The following ADARB2 variants were observed in gnomAD, a reference collection of about 807,000 sequenced individuals.
The protein encoded by ADARB2 is adenosine deaminase RNA specific B2 (inactive).
A neutral mutation model predicts 62.2 loss-of-function variants in ADARB2; 25 were observed. The observed-to-expected ratio is 0.40, with a 90% CI of 0.29 to 0.56. The LOEUF (loss-of-function observed/expected upper bound fraction) is 0.56, where lower values mean the gene tolerates loss of function less well. Ranked by LOEUF, ADARB2 falls within the 20% of genes least tolerant of loss-of-function variation. The pLI is 0.43. For synonymous variants in ADARB2, 572 were observed against 500.8 expected, an observed-to-expected ratio of 1.14 and a Z score of -1.90; for missense variants, 1,071 against 1,077.4, an observed-to-expected ratio of 0.99 and a Z score of 0.08.
intron 3 of ADARB2, chr10:1,360,899 A>G (rs1420361886): frequency 1.3e-5 from 2 of 152,614 alleles, no homozygotes; most frequent in Non-Finnish European, 2.9e-5. Flanking sequence ...AGGGCTGACA[A>G]CATGAAAGAA....
intron 6 of ADARB2, among the ~76,000 whole-genome samples, chr10:1,226,566 G>A (rs957918107): frequency 6.6e-6 from 1 of 152,162 alleles, no homozygotes; most frequent in Non-Finnish European, 1.5e-5. Context: ...CTTTGATGAT[G>A]GTGATGTACA....
chr10:1,251,017 C>A (rs1831033258), intron 4 of ADARB2, among the ~76,000 whole-genome samples: 1 of 152,202 alleles, frequency 6.6e-6, no homozygotes, highest in Non-Finnish European at 1.5e-5. Flanking sequence ...TTAATGGTAT[C>A]TAACAACTGC....
intron 1 of ADARB2, among the ~76,000 whole-genome samples, chr10:1,554,127 T>C (rs1832668345): frequency 6.6e-6 from 1 of 152,132 alleles, no homozygotes; most frequent in Admixed American, 6.5e-5. Flanking sequence ...AGCGGCCCTA[T>C]TTCTCTTTCC....
At chr10:1,228,420 G>A (rs1014580900) in intron 6 of ADARB2, among the ~76,000 whole-genome samples, 1 of 152,226 alleles carries the variant, frequency 6.6e-6, no homozygotes, top group Non-Finnish European at 1.5e-5. Context: ...GGCTCTTTCA[G>A]AACTGCCTGA....
chr10:1,218,737 C>T (rs1830655074), intron 6 of ADARB2, among the ~76,000 whole-genome samples: 1 of 152,072 alleles, frequency 6.6e-6, no homozygotes, highest in Non-Finnish European at 1.5e-5. Flanking sequence ...CTCATGAGAC[C>T]TGGTCATTTA....
intron 1 of ADARB2, among the ~76,000 whole-genome samples, chr10:1,617,012 C>T (rs113215078): frequency 0.088 from 4,563 of 51,680 alleles, no homozygotes; most frequent in African/African-American, 0.12. Context: ...TTTGTGTGCC[C>T]GTCCAGACAC....
At chr10:1,294,990 G>C (rs892419828) in intron 3 of ADARB2, among the ~76,000 whole-genome samples, 1 of 152,362 alleles carries the variant, frequency 6.6e-6, no homozygotes, top group Admixed American at 6.5e-5. Flanking sequence ...GGAGTGCGGA[G>C]TCACTGGCAG....
At chr10:1,653,678 G>A (rs1834142806) in intron 1 of ADARB2, among the ~76,000 whole-genome samples, 1 of 152,148 alleles carries the variant, frequency 6.6e-6, no homozygotes, top group South Asian at 2.1e-4. Flanking sequence ...CAGGGTCTGG[G>A]TTTTGTGGCA....
At chr10:1,395,238 C>T (rs376426890) in intron 1 of ADARB2, among the ~76,000 whole-genome samples, 3 of 152,158 alleles carry the variant, frequency 2.0e-5, no homozygotes, top group African/African-American at 7.2e-5. Flanking sequence ...CTCAGAGCTC[C>T]GGCCCGACAG....
At chr10:1,366,198 A>C (rs542945148) in intron 2 of ADARB2, among the ~76,000 whole-genome samples, 33 of 152,282 alleles carry the variant, frequency 2.2e-4, no homozygotes, top group South Asian at 8.3e-4. Context: ...TCAGTGCTTT[A>C]TTTCTTTTGC....
intron 1 of ADARB2, among the ~76,000 whole-genome samples, chr10:1,510,133 TTTC>T (rs1831913763): frequency 7.3e-6 from 1 of 137,114 alleles, no homozygotes; most frequent in Non-Finnish European, 1.5e-5. Context: ...TCTTTCTTTC[TTTC>T]TTTCTTTCTT....
intron 1 of ADARB2, among the ~76,000 whole-genome samples, chr10:1,569,448 A>G (rs1377813165): frequency 3.3e-5 from 5 of 152,230 alleles, no homozygotes; most frequent in Non-Finnish European, 2.9e-5. Flanking sequence ...TTGGGGAGCA[A>G]TCCTCTCTCA....
chr10:1,411,945 C>T (rs1178751197), intron 1 of ADARB2, among the ~76,000 whole-genome samples: 4 of 152,314 alleles, frequency 2.6e-5, no homozygotes, highest in Non-Finnish European at 5.9e-5. Context: ...CTATTTAAAA[C>T]AGCCTTTACT....
At position 1,654,886 on chromosome 10, in the gene ADARB2, T is replaced by C. The variant is rs545610763; in HGVS notation, c.100+82165A>G. Among the ~76,000 whole-genome samples, 8 of 152,318 alleles carry C rather than the reference T, an allele frequency of 5.3e-5. No homozygotes were observed. The East Asian group carries it at 1.5e-3, about 29-fold the overall frequency. ...GCCCAAGGTGATGCATGCTGGGCCA[T>C]GCCAGGCACCTGTGATGAAATGCTC... On this transcript the variant is annotated intron_variant, in intron 1 of 9. Coordinates refer to ENST00000381312, the MANE Select transcript of ADARB2 (RefSeq NM_018702.4).
chr10:1,382,859 G>A (rs1211804810), intron 1 of ADARB2, among the ~76,000 whole-genome samples: 3 of 152,160 alleles, frequency 2.0e-5, no homozygotes, highest in Non-Finnish European at 4.4e-5. Context: ...AGAAACGTCA[G>A]GGGTCGGCTG....
intron 1 of ADARB2, among the ~76,000 whole-genome samples, chr10:1,506,823 A>T (rs1265782346): frequency 6.6e-6 from 1 of 152,228 alleles, no homozygotes; most frequent in Non-Finnish European, 1.5e-5. Context: ...TGATTGGGTC[A>T]TGGGGGTGGG....
At chr10:1,327,930 C>T (rs541319078) in intron 3 of ADARB2, among the ~76,000 whole-genome samples, 1 of 151,658 alleles carries the variant, frequency 6.6e-6, no homozygotes, top group Non-Finnish European at 1.5e-5. Flanking sequence ...CTCCTCACAG[C>T]ACAGCACCTC....
At chr10:1,525,946 G>A (rs565897973) in intron 1 of ADARB2, among the ~76,000 whole-genome samples, 16 of 151,972 alleles carry the variant, frequency 1.1e-4, no homozygotes, top group Non-Finnish European at 2.1e-4. Flanking sequence ...AGCACGTATG[G>A]GTGTGTGTGC....
chr10:1,737,359 C>T lies in ADARB2; in HGVS notation c.-209G>A, dbSNP rs3750682. ...CTTGCTCCCACTGGGCTGGGGGCCT[C>T]GGCTGGGCGCCTGGAGCGAGCTGCT... On this transcript the variant is annotated 5_prime_UTR_variant, in exon 1 of 10. Transcript: ENST00000381312. The T allele has an allele frequency of 0.012, 6,287 of 545,294 alleles. 282 individuals carry two copies. In the East Asian group the frequency reaches 0.12, roughly 10 times the overall value. 33.8% of individuals were successfully genotyped at this position (545,294 alleles called of 1,614,324 possible). A position where few individuals can be genotyped will look rare whatever the true frequency, so the allele number is the denominator to read the frequency against.
Sources: allele counts gnomAD v4.1 joint callset (sites outside exome capture counted in the v4.1 genomes callset), GRCh38; gene constraint gnomAD v4.1.1; transcripts MANE v1.5; gene names NCBI Gene and HGNC (gene_info 2026-07-23, HGNC 2026-07-21).